The following CYBC1 variants were observed in gnomAD, a reference collection of about 807,000 sequenced individuals.
The protein encoded by CYBC1 is cytochrome b-245 chaperone 1.
CYBC1 carries 22 observed loss-of-function variants against 21.7 expected under a neutral mutation model. That is an observed-to-expected ratio of 1.02 (90% confidence interval 0.73 to 1.45). The LOEUF is 1.45. CYBC1 is among the 40% of genes most tolerant of loss of function. The pLI, the probability that CYBC1 is intolerant of heterozygous loss-of-function variation, is 0.00. For missense variants in CYBC1, 237 were observed against 242.1 expected, an observed-to-expected ratio of 0.98 and a Z score of 0.14; for synonymous variants, 112 against 98.7, an observed-to-expected ratio of 1.13 and a Z score of -0.80.
At position 82,443,693 on chromosome 17, in the gene CYBC1, T is replaced by C. The variant is rs769345443; in HGVS notation, c.*311A>G. The C allele has an allele frequency of 1.3e-6, 1 of 771,456 alleles. No homozygotes were observed. Among genetic ancestry groups the C allele is most frequent in the East Asian group, 2.4e-5 (1 of 41,260 alleles). The allele number at this position is 771,456 out of a possible 1,614,324, so 47.8% of individuals were successfully genotyped here. The stretch of plus-strand genomic sequence containing the variant: ...GGATGTCCTGGTCTGGCCTGCTGTT[T>C]CATGCAGTGTGCAAGCAGCAGCATG... On this transcript the variant is annotated 3_prime_UTR_variant, in exon 7 of 7. Transcript: ENST00000306645. The surrounding 1 kb of genome is among the most constrained non-coding windows in gnomAD (Gnocchi z 6.7).
At chr17:82,445,496 G>T in intron 5 of CYBC1, 1 of 180,008 alleles carries the variant, frequency 5.6e-6, no homozygotes. Flanking sequence ...CGGACAAGTG[G>T]CTGCCAGGCA....
rs770805024 is a variant in CYBC1, at chr17:82,444,402, T to C, written c.443+45A>G. 6 of 1,567,296 alleles carry C rather than the reference T, an allele frequency of 3.8e-6. 1 individual carries two copies. The South Asian group carries it at 5.9e-5, about 15-fold the overall frequency. Reference sequence around the variant, plus strand: ...TGGGCAGTCAGGAACGGGAGTGACCTGCTACGGCTGCAGCTCCGGCCAGAT... The same window carrying C: ...TGGGCAGTCAGGAACGGGAGTGACCCGCTACGGCTGCAGCTCCGGCCAGAT... On this transcript the variant is annotated intron_variant, in intron 6 of 6. Transcript: ENST00000306645.
chr17:82,444,246 C>A, intron 6 of CYBC1, 122 bp from the exon 7 acceptor site: 1 of 1,469,582 alleles, frequency 6.8e-7, no homozygotes, highest in Admixed American at 2.2e-5. Flanking sequence ...CCAAACTGGA[C>A]CCAGCACTTC....
chr17:82,445,101 G>C (rs1173408441), intron 5 of CYBC1: 4 of 155,418 alleles, frequency 2.6e-5, no homozygotes, highest in African/African-American at 9.6e-5. Context: ...GCCCTGGCCA[G>C]GTCCCTGCAG....
Position 82,444,117 on chromosome 17 carries a change from C to A in CYBC1, c.451G>T (p.Glu151Ter). The A allele has an allele frequency of 6.2e-7, 1 of 1,611,052 alleles. No homozygotes were observed. Among genetic ancestry groups the A allele is most frequent in the Admixed American group, 1.7e-5 (1 of 59,980 alleles). Residue 151 changes from glutamate (E) to a stop codon, truncating the protein, a stop_gained, in exon 7 of 7, where the codon GAA becomes TAA. Coordinates refer to ENST00000306645, the MANE Select transcript of CYBC1 (RefSeq NM_001033046.4). LOFTEE classifies it high-confidence loss of function. The stretch of plus-strand genomic sequence containing the variant: ...CTGGTGATGAGCTTGGCGATGGCTT[C>A]CACATCACTGGGCGAGGCCGGCAAC... ...SAVMGHRSDV[E>*]AIAKLITSFL...
At position 82,443,405 on chromosome 17, in the gene CYBC1, T is replaced by C. The variant is rs982837754; in HGVS notation, c.*599A>G. 2.2e-5 allele frequency: 12 copies of C among 547,330 alleles called. No individual in the cohort carries two copies. Among genetic ancestry groups the C allele is most frequent in the South Asian group, 1.8e-4 (10 of 55,096 alleles). The allele number at this position is 547,330 out of a possible 1,614,324, so 33.9% of individuals were successfully genotyped here. On this transcript the variant is annotated 3_prime_UTR_variant, in exon 7 of 7. Coordinates refer to ENST00000306645, the MANE Select transcript of CYBC1 (RefSeq NM_001033046.4). The surrounding 1 kb of genome is among the most constrained non-coding windows in gnomAD (Gnocchi z 6.7). ...CCTCGGGGAGGGGCAGCTTCCACAG[T>C]GTGGCTGCAGCGTGCACAGCCAGGT... is the stretch of plus-strand genomic sequence containing the variant.
rs1475947059 is a variant in CYBC1 at position 82,443,457 on chromosome 17, C to A, written c.*547G>T. The A allele has an allele frequency of 3.0e-6, 2 of 662,832 alleles. No homozygotes were observed. The highest frequency in any genetic ancestry group is 3.1e-5 in the South Asian group (2 of 64,380). The allele number at this position is 662,832 out of a possible 1,614,324, so 41.1% of individuals were successfully genotyped here. On this transcript the variant is annotated 3_prime_UTR_variant, in exon 7 of 7. Transcript: ENST00000306645. The surrounding 1 kb of genome is among the most constrained non-coding windows in gnomAD (Gnocchi z 6.7). ...GGCCCTGGATGTTCACCCCTCACTGCCCTTGGGGAAGCACCTGACCGCTGG... is the reference window on the plus strand; with the variant it reads ...GGCCCTGGATGTTCACCCCTCACTGACCTTGGGGAAGCACCTGACCGCTGG...
rs1599766730 is a variant in CYBC1 at position 82,442,722 on chromosome 17, T to G, written c.*1282A>C. ...TGGCAGCCACTACTGAGGAGGAGGG[T>G]CCCATCTCTCTCCTGTCGGCTTTCA... On this transcript the variant is annotated 3_prime_UTR_variant, in exon 7 of 7. Coordinates refer to ENST00000306645, the MANE Select transcript of CYBC1 (RefSeq NM_001033046.4). This position sits in a 1 kb window ranked among gnomAD's most constrained non-coding sequence, Gnocchi z 6.8. 1.1e-6 allele frequency: 1 copy of G among 870,334 alleles called. No homozygotes were observed. The highest frequency in any genetic ancestry group is 1.7e-6 in the Non-Finnish European group (1 of 574,008). The allele number at this position is 870,334 out of a possible 1,614,324, so 53.9% of individuals were successfully genotyped here.
chr17:82,449,298 AACAG>A lies in CYBC1; in HGVS notation c.-38-10_-38-7del, dbSNP rs2143757376. On this transcript the variant is annotated splice_region_variant and splice_polypyrimidine_tract_variant and intron_variant, in intron 1 of 6. Transcript: ENST00000306645. ...CTCTCTACAGGAGGAGGGGTCTGGGAACAGACAGAGGCAGCTGAGCCCTTGGGCC... is the reference window on the plus strand; with the variant it reads ...CTCTCTACAGGAGGAGGGGTCTGGGAACAGAGGCAGCTGAGCCCTTGGGCC... The A allele has an allele frequency of 1.4e-6, 2 of 1,461,134 alleles. No homozygotes were observed. Among genetic ancestry groups the A allele is most frequent in the East Asian group, 2.6e-5 (1 of 39,014 alleles). The allele number at this position is 1,461,134 out of a possible 1,614,324, so 90.5% of individuals were successfully genotyped here.
chr17:82,449,669 G>C (rs554119438), intron 1 of CYBC1: 1 of 177,808 alleles, frequency 5.6e-6, no homozygotes, highest in East Asian at 1.4e-4. Flanking sequence ...TCTCCCCTGT[G>C]CTGGCCTCCA....
rs1237820442 is a variant in CYBC1, at chr17:82,443,837, C to T, written c.*167G>A. On this transcript the variant is annotated 3_prime_UTR_variant, in exon 7 of 7. Coordinates refer to ENST00000306645, the MANE Select transcript of CYBC1 (RefSeq NM_001033046.4). This position sits in a 1 kb window ranked among gnomAD's most constrained non-coding sequence, Gnocchi z 6.7. ...TGCCACGGGTCCTGTGGGCGGTGCA[C>T]GGGCTCAGGCACACCGGGAATGTGC... is the stretch of plus-strand genomic sequence containing the variant. 8.1e-6 allele frequency: 5 copies of T among 616,062 alleles called. No individual in the cohort carries two copies. The highest frequency in any genetic ancestry group is 2.0e-5 in the South Asian group (1 of 51,164). The allele number at this position is 616,062 out of a possible 1,614,324, so 38.2% of individuals were successfully genotyped here. A position where few individuals can be genotyped will look rare whatever the true frequency, so the allele number is the denominator to read the frequency against.
chr17:82,447,552 TGGGGG>T, intron 3 of CYBC1, 23 bp downstream of exon 3: 1 of 454,538 alleles, frequency 2.2e-6, no homozygotes, highest in Non-Finnish European at 3.3e-6. Flanking sequence ...GAGACAGTCA[TGGGGG>T]GGTGGGGCGG....
In CYBC1 at chr17:82,447,616, A is replaced by G; in HGVS notation, c.91T>C (p.Leu31=). Residue 31 remains leucine (L), a synonymous_variant, in exon 3 of 7, where the codon TTG becomes CTG. Transcript: ENST00000306645. ...IRSWSLLVGI[L]SIGLAAAYYS... ...TAGGCAGCAGCCAGGCCAATCGACA[A>G]GATTCCTATGAAGAGAAAGTGACTG... 1.3e-6 allele frequency: 2 copies of G among 1,596,460 alleles called. No homozygotes were observed. The highest frequency in any genetic ancestry group is 2.3e-5 in the South Asian group (2 of 87,238).
rs757706502 is a variant in CYBC1 at position 82,444,037 on chromosome 17, G to A, written c.531C>T (p.Asp177=). The change falls in exon 7 of 7, where the codon GAC becomes GAT. Residue 177 remains aspartate, a synonymous_variant. Transcript: ENST00000306645. ...ESPTELSQSS[D]SEAGDPASQS ...GGCTTGCAGGGTCACCGGCCTCACT[G>A]TCGCTGCTCTGAGACAGCTCTGTGG... 2 of 1,613,404 alleles carry A rather than the reference G, an allele frequency of 1.2e-6. No homozygotes were observed. Among genetic ancestry groups the A allele is most frequent in the Non-Finnish European group, 1.7e-6 (2 of 1,179,998 alleles).
rs747443476 is a variant in CYBC1 at position 82,445,980 on chromosome 17, G to A, written c.202-20C>T. ...GGCTTCCTGGAAACCGACATGCACT[G>A]ACCACCATGAACCTCCAGGAACGGG... On this transcript the variant is annotated intron_variant, in intron 4 of 6. Transcript: ENST00000306645. 1 of 1,608,488 alleles carries A rather than the reference G, an allele frequency of 6.2e-7. No individual in the cohort carries two copies. The highest frequency in any genetic ancestry group is 2.2e-5 in the East Asian group (1 of 44,794).
intron 6 of CYBC1, 123 bp downstream of exon 6, chr17:82,444,324 C>A: frequency 6.9e-7 from 1 of 1,459,116 alleles, no homozygotes; most frequent in Non-Finnish European, 9.2e-7. Flanking sequence ...TCCCGTGGGC[C>A]CCTCTGTGTC....
chr17:82,445,926 A>C lies in CYBC1; in HGVS notation c.236T>G (p.Val79Gly), dbSNP rs1410983621. Residue 79 changes from valine (V) to glycine (G), a missense_variant, in exon 5 of 7, where the codon GTT (valine) becomes GGT (glycine). Coordinates refer to ENST00000306645, the MANE Select transcript of CYBC1 (RefSeq NM_001033046.4). ...CTTGTAGAGGCTGAACGTCTTCAAA[A>C]CAACCTTCCCTGTGCTCTTGTCGAA... ...AIFDKSTGKV[V>G]LKTFSLYKKL... The C allele has an allele frequency of 6.2e-7, 1 of 1,613,754 alleles. No individual in the cohort carries two copies. The highest frequency in any genetic ancestry group is 1.3e-5 in the African/African-American group (1 of 74,924).
rs1198588127 is a variant in CYBC1 at position 82,447,613 on chromosome 17, A to G, written c.94T>C (p.Ser32Pro). ...TAGTAGGCAGCAGCCAGGCCAATCGACAAGATTCCTATGAAGAGAAAGTGA... is the reference window on the plus strand; with the variant it reads ...TAGTAGGCAGCAGCCAGGCCAATCGGCAAGATTCCTATGAAGAGAAAGTGA... ...RSWSLLVGILSIGLAAAYYSG... is the reference protein window; with the variant it reads ...RSWSLLVGILPIGLAAAYYSG... Residue 32 changes from serine (S) to proline (P), a missense_variant, in exon 3 of 7, where the codon TCG becomes CCG. By Grantham distance (74) the Ser-to-Pro change is moderately conservative. Transcript: ENST00000306645. 6.3e-7 allele frequency: 1 copy of G among 1,597,238 alleles called. No individual in the cohort carries two copies. Among genetic ancestry groups the G allele is most frequent in the Non-Finnish European group, 8.5e-7 (1 of 1,174,030 alleles).
Position 82,442,762 on chromosome 17 carries a change from A to G in CYBC1, c.*1242T>C. The stretch of plus-strand genomic sequence containing the variant: ...GTCGGCTTTCACCGAGGTCACAGCC[A>G]GACGTGGGGCAAAGGTGTTCCCTGT... On this transcript the variant is annotated 3_prime_UTR_variant, in exon 7 of 7. Transcript: ENST00000306645. The surrounding 1 kb of genome is among the most constrained non-coding windows in gnomAD (Gnocchi z 6.8). 3 of 647,108 alleles carry G rather than the reference A, an allele frequency of 4.6e-6. No individual in the cohort carries two copies. Among genetic ancestry groups the G allele is most frequent in the Non-Finnish European group, 7.8e-6 (3 of 385,922 alleles). 40.1% of individuals were successfully genotyped at this position (647,108 alleles called of 1,614,324 possible). A position where few individuals can be genotyped will look rare whatever the true frequency, so the allele number is the denominator to read the frequency against.
Sources: allele counts gnomAD v4.1 joint callset, GRCh38; gene constraint gnomAD v4.1.1; non-coding constraint Gnocchi (gnomAD v3.1); transcripts MANE v1.5; gene names NCBI Gene and HGNC (gene_info 2026-07-23, HGNC 2026-07-21).